Variants in MINDY4 observed in about 807,000 individuals in gnomAD.
MINDY4 encodes the protein probable ubiquitin carboxyl-terminal hydrolase MINDY-4.
Under a neutral mutation model 87.0 loss-of-function variants are expected in MINDY4, and 68 were observed. The ratio of observed to expected loss-of-function variants is 0.78; its 90% CI spans 0.64 to 0.96. The LOEUF (loss-of-function observed/expected upper bound fraction) is 0.96. Ranked by LOEUF, MINDY4 falls within the 40% of genes least tolerant of loss-of-function variation. MINDY4 has a pLI of 0.00. For synonymous variants in MINDY4, 379 were observed against 363.2 expected, an observed-to-expected ratio of 1.04 and a Z score of -0.50; for missense variants, 919 against 928.2, an observed-to-expected ratio of 0.99 and a Z score of 0.13.
intron 5 of MINDY4, among the ~76,000 whole-genome samples, chr7:30,802,741 TACAAAACTAGTTACATGACTGCCTG>T (rs1273576025): frequency 3.3e-5 from 5 of 152,318 alleles, no homozygotes; most frequent in African/African-American, 1.2e-4. Context: ...TTTTTGTTCA[TACAAAACTAGTTACATGACTGCCTG>T]ATCACCCAAC....
chr7:30,836,670 A>T lies in MINDY4; in HGVS notation c.1145A>T (p.Asp382Val). The T allele has an allele frequency of 6.2e-7, 1 of 1,613,990 alleles. No individual in the cohort carries two copies. The highest frequency in any genetic ancestry group is 1.1e-5 in the South Asian group (1 of 91,058). Reference protein sequence around the residue: ...LGALRLEDVEDELIREEVILS... With the variant: ...LGALRLEDVEVELIREEVILS... The stretch of plus-strand genomic sequence containing the variant: ...GGTTTTCTTTCAGAGGATGTGGAGG[A>T]TGAGTTGATAAGGGAAGAGGTCATC... The change falls in exon 7 of 18, where the codon GAT (aspartate) becomes GTT (valine). Residue 382 changes from aspartate (D) to valine (V), a missense_variant. Transcript: ENST00000265299.
At chr7:30,830,299 G>A (rs1194226645) in intron 6 of MINDY4, among the ~76,000 whole-genome samples, 1 of 152,160 alleles carries the variant, frequency 6.6e-6, no homozygotes. Flanking sequence ...AGGAAGAGAG[G>A]TATCTTCCCA....
chr7:30,884,275 C>T (rs1015419734), intron 17 of MINDY4, among the ~76,000 whole-genome samples: 2 of 152,202 alleles, frequency 1.3e-5, no homozygotes, highest in Non-Finnish European at 2.9e-5. Context: ...GAGACATCCT[C>T]GACATGCTTT....
chr7:30,791,083 A>G, intron 4 of MINDY4, 82 bp from the exon 5 acceptor site: 7 of 1,328,760 alleles, frequency 5.3e-6, no homozygotes, highest in Non-Finnish European at 7.3e-6. Context: ...ACATCACATC[A>G]TGGGCAAATG....
intron 8 of MINDY4, among the ~76,000 whole-genome samples, chr7:30,840,210 C>T (rs1010027098): frequency 2.0e-5 from 3 of 152,194 alleles, no homozygotes; most frequent in Non-Finnish European, 4.4e-5. Flanking sequence ...GAGATGAGCT[C>T]CTCAAGAAGC....
Position 30,839,210 on chromosome 7 carries a change from C to G in MINDY4, c.1250C>G (p.Thr417Ser). 1 of 1,600,960 alleles carries G rather than the reference C, an allele frequency of 6.2e-7. No homozygotes were observed. The change falls in exon 8 of 18, where the codon ACC (threonine) becomes AGC (serine). Residue 417 changes from threonine (T) to serine (S), a missense_variant. By Grantham distance (58) the Thr-to-Ser change is moderately conservative (BLOSUM62 1). Transcript: ENST00000265299. ...CTCTTCTTTTTATAGGAAATAAAGA[C>G]CCTTCTGTTTGGTTCCAGCTTTTGC... ...IDLSVAKEIK[T>S]LLFGSSFCCF...
chr7:30,859,880 G>C (rs2128574054), intron 13 of MINDY4, among the ~76,000 whole-genome samples: 1 of 152,300 alleles, frequency 6.6e-6, no homozygotes, highest in South Asian at 2.1e-4. Context: ...TGCTGACTCT[G>C]TATCAGGTGG....
At chr7:30,829,541 G>A (rs1354918271) in intron 6 of MINDY4, among the ~76,000 whole-genome samples, 1 of 152,200 alleles carries the variant, frequency 6.6e-6, no homozygotes, top group Non-Finnish European at 1.5e-5. Flanking sequence ...AGAAAGCAGT[G>A]CCCCTATTTA....
intron 8 of MINDY4, among the ~76,000 whole-genome samples, chr7:30,840,549 T>A (rs1788998951): frequency 6.6e-6 from 1 of 152,140 alleles, no homozygotes; most frequent in Admixed American, 6.5e-5. Flanking sequence ...ACTGGCCCCT[T>A]CCCCTAGGAG....
chr7:30,881,260 A>G (rs555859627), intron 15 of MINDY4, among the ~76,000 whole-genome samples: 1 of 152,208 alleles, frequency 6.6e-6, no homozygotes, highest in African/African-American at 2.4e-5. Flanking sequence ...GGCCCTTGTC[A>G]CTTCTCTTCC....
Position 30,859,013 on chromosome 7 carries a change from G to T in MINDY4, c.1678-244G>T, listed in dbSNP as rs1319729790. ...TCTTGTGAGTTTTGAGGACTCTGAG[G>T]TCACTGATGCTCTCTTTGGTGGCCC... On this transcript the variant is annotated intron_variant, in intron 12 of 17. Coordinates refer to ENST00000265299, the MANE Select transcript of MINDY4 (RefSeq NM_032222.3). 1.1e-5 allele frequency: 8 copies of T among 704,584 alleles called. No individual in the cohort carries two copies. In the Admixed American group the frequency reaches 1.4e-4, roughly 12 times the overall value. The allele number at this position is 704,584 out of a possible 1,614,324, so 43.6% of individuals were successfully genotyped here. A position where few individuals can be genotyped will look rare whatever the true frequency, so the allele number is the denominator to read the frequency against.
At chr7:30,847,565 C>A (rs1413676792) in intron 9 of MINDY4, among the ~76,000 whole-genome samples, 1 of 149,772 alleles carries the variant, frequency 6.7e-6, no homozygotes, top group Non-Finnish European at 1.5e-5. Flanking sequence ...CTGAGTAAAT[C>A]ACTGTGTCTC....
Position 30,892,049 on chromosome 7 carries a change from C to T in MINDY4, c.*44C>T. The T allele has an allele frequency of 6.2e-7, 1 of 1,605,554 alleles. No individual in the cohort carries two copies. The highest frequency in any genetic ancestry group is 8.5e-7 in the Non-Finnish European group (1 of 1,172,210). On this transcript the variant is annotated 3_prime_UTR_variant, in exon 18 of 18. Coordinates refer to ENST00000265299, the MANE Select transcript of MINDY4 (RefSeq NM_032222.3). ...CCCTGTGGTCCACCACTCATCACCT[C>T]ATCACCGAGGATGACAGCTGAACCC...
intron 13 of MINDY4, among the ~76,000 whole-genome samples, chr7:30,871,029 C>T (rs1350811093): frequency 2.6e-5 from 4 of 151,758 alleles, no homozygotes; most frequent in Admixed American, 2.6e-4. Flanking sequence ...GTGTGTGCCC[C>T]CAGGGTTGTG....
At chr7:30,880,579 C>T (rs1279310498) in intron 15 of MINDY4, among the ~76,000 whole-genome samples, 2 of 152,134 alleles carry the variant, frequency 1.3e-5, no homozygotes, top group South Asian at 4.1e-4. Flanking sequence ...CTCTCCCTGC[C>T]GTGAATGAAT....
At chr7:30,848,697 A>G (rs1017982736) in intron 9 of MINDY4, among the ~76,000 whole-genome samples, 5 of 152,116 alleles carry the variant, frequency 3.3e-5, no homozygotes, top group African/African-American at 7.2e-5. Context: ...CTTGGTAACT[A>G]TTTCCTCCAA....
At chr7:30,830,766 C>G (rs1788679142) in intron 6 of MINDY4, among the ~76,000 whole-genome samples, 3 of 152,194 alleles carry the variant, frequency 2.0e-5, no homozygotes, top group Admixed American at 6.5e-5. Flanking sequence ...TGGAAGCTTC[C>G]ATAGTGTGTA....
intron 13 of MINDY4, among the ~76,000 whole-genome samples, chr7:30,872,010 G>A (rs986834106): frequency 4.6e-5 from 7 of 152,228 alleles, no homozygotes; most frequent in Non-Finnish European, 5.9e-5. Context: ...TGGAGTGGAG[G>A]CCATTGCCCA....
rs141436874 is a variant in MINDY4, at chr7:30,812,586, T to C, written c.1074-16093T>C. ...AACCCAAGGCTAGCCCAAAACACGC[T>C]GAGGGAGCAGCTGATGAATTTCTTG... is the stretch of plus-strand genomic sequence containing the variant. On this transcript the variant is annotated intron_variant, in intron 5 of 17. Transcript: ENST00000265299. Among the ~76,000 whole-genome samples the C allele has an allele frequency of 4.0e-3, 605 of 152,304 alleles. 2 individuals carry two copies. The highest frequency in any genetic ancestry group is 0.014 in the African/African-American group (574 of 41,554).
Sources: gnomAD v4.1 joint callset for allele counts (sites outside exome capture counted in the v4.1 genomes callset) on GRCh38, gnomAD v4.1.1 for gene constraint, MANE v1.5 for transcripts, NCBI Gene and HGNC (gene_info 2026-07-23, HGNC 2026-07-21) for gene names.